The following SEMA3D variants were observed in gnomAD, a reference collection of about 807,000 sequenced individuals.
The protein encoded by SEMA3D is semaphorin 3D.
SEMA3D carries 84 observed loss-of-function variants against 100.1 expected under a neutral mutation model. The observed-to-expected ratio is 0.84, with a 90% CI of 0.70 to 1.01. The LOEUF is 1.01. Ranked by LOEUF, SEMA3D falls within the 50% of genes least tolerant of loss-of-function variation. The probability of loss-of-function intolerance (pLI) is 0.00; values close to 1 mark genes in which losing one functional copy is unlikely to be tolerated. For synonymous variants in SEMA3D, 312 were observed against 320.7 expected (o/e 0.97, Z 0.29); for missense variants, 875 against 934.1 (o/e 0.94, Z 0.82).
rs571166696 is a variant in SEMA3D, at chr7:85,023,730, A to G, written c.1192-1117T>C. Among the ~76,000 whole-genome samples the G allele has an allele frequency of 6.5e-4, 99 of 152,016 alleles. 1 individual carries two copies. The highest frequency in any genetic ancestry group is 2.3e-3 in the African/African-American group (95 of 41,536). On this transcript the variant is annotated intron_variant, in intron 12 of 18. Transcript: ENST00000284136. ...ATATTCAAGAGGGTCATTCTTAGGGAGCTGAAGATACTAGAACTAGTCCCA... is the reference window on the plus strand; with the variant it reads ...ATATTCAAGAGGGTCATTCTTAGGGGGCTGAAGATACTAGAACTAGTCCCA...
chr7:85,029,038 A>G, intron 12 of SEMA3D: 1 of 456,338 alleles, frequency 2.2e-6, no homozygotes, highest in East Asian at 4.9e-5. Flanking sequence ...TGATATTAAA[A>G]CTGCTGATGG....
intron 2 of SEMA3D, among the ~76,000 whole-genome samples, chr7:85,131,784 A>G (rs1178550364): frequency 1.3e-5 from 2 of 151,912 alleles, no homozygotes; most frequent in South Asian, 2.1e-4. Flanking sequence ...AAATTTATGC[A>G]TCTATGAGAC....
intron 5 of SEMA3D, among the ~76,000 whole-genome samples, chr7:85,073,720 T>C (rs1451621555): frequency 1.3e-5 from 2 of 152,218 alleles, no homozygotes; most frequent in African/African-American, 4.8e-5. Flanking sequence ...ATTCAATTCT[T>C]ATTGACCAGA....
At chr7:85,190,710 T>C (rs1372407947), upstream of SEMA3D, among the ~76,000 whole-genome samples, 2 of 152,146 alleles carry the variant, frequency 1.3e-5, no homozygotes, top group Admixed American at 6.5e-5. Context: ...CTCTCAGAAG[T>C]AAATGCATCC....
chr7:85,021,435 A>T (rs2115846740), intron 13 of SEMA3D, among the ~76,000 whole-genome samples: 1 of 151,842 alleles, frequency 6.6e-6, no homozygotes, highest in East Asian at 2.0e-4. Context: ...TTGTCTTGGG[A>T]ATATCCCTTA....
the SEMA3D span, among the ~76,000 whole-genome samples, chr7:85,209,052 A>G: frequency 6.6e-6 from 1 of 151,990 alleles, no homozygotes; most frequent in Admixed American, 6.6e-5. Context: ...CAGCTTTCCA[A>G]GTTAATAAGT....
In SEMA3D at chr7:85,105,321, T is replaced by C. The variant is rs1166169246; in HGVS notation, c.152-7356A>G. On this transcript the variant is annotated intron_variant, in intron 3 of 18. Coordinates refer to ENST00000284136, the MANE Select transcript of SEMA3D (RefSeq NM_001384900.1). ...CTTCCAGAAATACTACAGCTTTTTG[T>C]CCAAGGCAAGGCATGGATTCTCTCT... 3.3e-5 allele frequency among the ~76,000 whole-genome samples: 5 copies of C among 152,166 alleles called. No individual in the cohort carries two copies. In the East Asian group the frequency reaches 9.7e-4, roughly 30 times the overall value.
At chr7:85,244,952 T>C in the SEMA3D span, among the ~76,000 whole-genome samples, 3 of 152,108 alleles carry the variant, frequency 2.0e-5, no homozygotes, top group Non-Finnish European at 4.4e-5. Context: ...CCTTGTGATC[T>C]GCCCACCTTG....
intron 3 of SEMA3D, among the ~76,000 whole-genome samples, chr7:85,102,628 G>C (rs765231036): frequency 3.9e-5 from 6 of 152,006 alleles, no homozygotes; most frequent in Non-Finnish European, 7.4e-5. Context: ...AACTATAGCT[G>C]AGTGTTACAA....
chr7:85,204,119 C>T, the SEMA3D span, among the ~76,000 whole-genome samples: 1 of 151,570 alleles, frequency 6.6e-6, no homozygotes, highest in Non-Finnish European at 1.5e-5. Flanking sequence ...AAAAAAAACA[C>T]TTTTAAAAAG....
chr7:85,204,469 C>T, the SEMA3D span, among the ~76,000 whole-genome samples: 1 of 151,992 alleles, frequency 6.6e-6, no homozygotes, highest in African/African-American at 2.4e-5. Context: ...GCAGTTAGTC[C>T]TCCAGGCCCA....
intron 2 of SEMA3D, chr7:85,144,590 T>A (rs1790147227): frequency 2.0e-6 from 2 of 984,958 alleles, no homozygotes; most frequent in South Asian, 4.7e-5. Flanking sequence ...AGGATCTTTA[T>A]CAGGGTTTCT....
the SEMA3D span, among the ~76,000 whole-genome samples, chr7:85,240,226 A>G: frequency 1.3e-5 from 2 of 152,114 alleles, no homozygotes; most frequent in African/African-American, 4.8e-5. Context: ...ATTTTTGTCA[A>G]GTGCATTTTC....
At chr7:85,065,798 A>ACATGCATT (rs1158042003) in intron 7 of SEMA3D, among the ~76,000 whole-genome samples, 1 of 152,214 alleles carries the variant, frequency 6.6e-6, no homozygotes, top group East Asian at 1.9e-4. Flanking sequence ...TAATAATTGC[A>ACATGCATT]CATGCATTAG....
At chr7:85,203,122 A>C in the SEMA3D span, among the ~76,000 whole-genome samples, 2 of 152,186 alleles carry the variant, frequency 1.3e-5, no homozygotes, top group East Asian at 3.9e-4. Context: ...CTTTTCTCAA[A>C]AATATGGGAT....
the SEMA3D span, among the ~76,000 whole-genome samples, chr7:85,193,779 C>T: frequency 6.6e-6 from 1 of 152,030 alleles, no homozygotes; most frequent in Non-Finnish European, 1.5e-5. Context: ...GATCTTACCA[C>T]TACATTGCTA....
In SEMA3D at chr7:85,034,174, T is replaced by C. The variant is rs143277364; in HGVS notation, c.1191+2715A>G. 1.4e-3 allele frequency among the ~76,000 whole-genome samples: 206 copies of C among 152,194 alleles called. 2 individuals are homozygous for C. Among genetic ancestry groups the C allele is most frequent in the African/African-American group, 5.0e-3 (206 of 41,554 alleles). ...GTGTTTCATGGGATTATGATCAGTA[T>C]TAAGTAAGTTAATGTTTGTAAAACC... is the stretch of plus-strand genomic sequence containing the variant. On this transcript the variant is annotated intron_variant, in intron 12 of 18. Coordinates refer to ENST00000284136, the MANE Select transcript of SEMA3D (RefSeq NM_001384900.1).
At chr7:85,250,064 A>G in the SEMA3D span, among the ~76,000 whole-genome samples, 1 of 152,138 alleles carries the variant, frequency 6.6e-6, no homozygotes, top group African/African-American at 2.4e-5. Context: ...GGGAAGCACA[A>G]GGGGTCAGGG....
chr7:85,147,895 C>T (rs1165897965), intron 2 of SEMA3D, among the ~76,000 whole-genome samples: 2 of 152,136 alleles, frequency 1.3e-5, no homozygotes, highest in Non-Finnish European at 2.9e-5. Context: ...TATCAATTTT[C>T]AGCAGTCTTT....
Sources: allele counts gnomAD v4.1 joint callset (sites outside exome capture counted in the v4.1 genomes callset), GRCh38; gene constraint gnomAD v4.1.1; transcripts MANE v1.5; gene names NCBI Gene and HGNC (gene_info 2026-07-23, HGNC 2026-07-21).